NTM: variants seen among roughly 807,000 people sequenced by gnomAD.
NTM encodes IgLON family member 2.
NTM carries 13 observed loss-of-function variants against 42.1 expected under a neutral mutation model. That is an observed-to-expected ratio of 0.31 (90% CI 0.20 to 0.49). The LOEUF is 0.49. NTM is among the 20% of genes least tolerant of loss of function. NTM has a pLI of 0.99. For synonymous variants in NTM, 187 were observed against 179.2 expected (o/e 1.04, Z -0.35); for missense variants, 373 against 452.8 (o/e 0.82, Z 1.60).
At chr11:131,459,841 C>A (rs972897252) in intron 1 of NTM, among the ~76,000 whole-genome samples, 1 of 152,128 alleles carries the variant, frequency 6.6e-6, no homozygotes, top group African/African-American at 2.4e-5. Context: ...ATCATACTTT[C>A]ACCTGATTCA....
intron 1 of NTM, among the ~76,000 whole-genome samples, chr11:131,494,803 C>A (rs1400669736): frequency 6.6e-6 from 1 of 152,204 alleles, no homozygotes; most frequent in East Asian, 1.9e-4. Flanking sequence ...AACATTCATT[C>A]TGGGGTTTAT....
In NTM at chr11:132,189,222, C is replaced by G. The variant is rs533034545; in HGVS notation, c.401-22800C>G. Among the ~76,000 whole-genome samples the G allele has an allele frequency of 1.4e-4, 21 of 152,110 alleles. No individual in the cohort carries two copies. The East Asian group carries it at 3.3e-3, about 24-fold the overall frequency. The stretch of plus-strand genomic sequence containing the variant: ...TGTTTCTCTGTGTGTCTTTTTAAGC[C>G]TCTAGATAGATCATGAAAAATACAG... On this transcript the variant is annotated intron_variant, in intron 3 of 8. Transcript: ENST00000683400.
chr11:132,132,115 T>C (rs2066929563), intron 2 of NTM, among the ~76,000 whole-genome samples: 1 of 152,164 alleles, frequency 6.6e-6, no homozygotes, highest in Admixed American at 6.5e-5. Context: ...TGCCCGAGGA[T>C]ACATTCCTCT....
intron 2 of NTM, among the ~76,000 whole-genome samples, chr11:132,123,068 C>A (rs573588130): frequency 6.6e-6 from 1 of 152,180 alleles, no homozygotes; most frequent in Non-Finnish European, 1.5e-5. Context: ...CTGTGCATCT[C>A]CCCGTCAGCC....
At chr11:132,026,346 T>A (rs2075174274) in intron 2 of NTM, among the ~76,000 whole-genome samples, 1 of 152,142 alleles carries the variant, frequency 6.6e-6, no homozygotes, top group South Asian at 2.1e-4. Flanking sequence ...TTCAGAAAAG[T>A]ATCATTCATC....
chr11:132,184,719 T>A (rs2078127791), intron 3 of NTM, among the ~76,000 whole-genome samples: 1 of 152,198 alleles, frequency 6.6e-6, no homozygotes, highest in Admixed American at 6.5e-5. Context: ...AAATTTAGAT[T>A]ATTTGTAATT....
intron 1 of NTM, among the ~76,000 whole-genome samples, chr11:131,408,930 A>G (rs1267821926): frequency 6.6e-6 from 1 of 152,220 alleles, no homozygotes; most frequent in Non-Finnish European, 1.5e-5. Context: ...AGGTTCACCC[A>G]TCATGCATCA....
chr11:131,653,755 G>A (rs1420123155), intron 1 of NTM, among the ~76,000 whole-genome samples: 2 of 152,302 alleles, frequency 1.3e-5, no homozygotes, highest in Middle Eastern at 3.4e-3. Context: ...CCCCCTCAGA[G>A]GGCTCCCCCC....
chr11:132,202,624 A>G (rs980012101), intron 3 of NTM, among the ~76,000 whole-genome samples: 1 of 152,214 alleles, frequency 6.6e-6, no homozygotes, highest in Non-Finnish European at 1.5e-5. Context: ...ACTTATGATT[A>G]CAGGTAGTTG....
chr11:131,798,841 T>C (rs1284547264), intron 1 of NTM, among the ~76,000 whole-genome samples: 1 of 152,208 alleles, frequency 6.6e-6, no homozygotes, highest in African/African-American at 2.4e-5. Flanking sequence ...GTTATTTAGG[T>C]GCTTTCAGGA....
chr11:131,432,707 C>A (rs1948747317), intron 1 of NTM, among the ~76,000 whole-genome samples: 1 of 152,044 alleles, frequency 6.6e-6, no homozygotes, highest in Non-Finnish European at 1.5e-5. Context: ...ATTCCATTCT[C>A]CAAAGGCAAC....
At chr11:132,155,054 T>C (rs2072867356) in intron 3 of NTM, among the ~76,000 whole-genome samples, 1 of 152,176 alleles carries the variant, frequency 6.6e-6, no homozygotes. Flanking sequence ...TAGAGGATTT[T>C]CACTTGGCAA....
At chr11:131,972,592 T>G (rs1324403879) in intron 2 of NTM, among the ~76,000 whole-genome samples, 2 of 152,174 alleles carry the variant, frequency 1.3e-5, no homozygotes, top group African/African-American at 4.8e-5. Flanking sequence ...ACTACTGTTT[T>G]CATATGTTGG....
intron 1 of NTM, among the ~76,000 whole-genome samples, chr11:131,689,125 G>A (rs2074328613): frequency 1.3e-5 from 2 of 151,924 alleles, no homozygotes; most frequent in Admixed American, 1.3e-4. Flanking sequence ...ACTCTCCAAG[G>A]ATGTCTCCCT....
rs369754131 is a variant in NTM, at chr11:132,134,607, C to T, written c.168-11675C>T. ...CTCATATGACATTTGGTTTTTCATT[C>T]CCGAGTTACTTCACTTAGAATAATA... is the stretch of plus-strand genomic sequence containing the variant. On this transcript the variant is annotated intron_variant, in intron 2 of 8. Coordinates refer to ENST00000683400, the MANE Select transcript of NTM (RefSeq NM_001352005.2). Among the ~76,000 whole-genome samples the T allele has an allele frequency of 3.7e-4, 55 of 149,648 alleles. 1 individual carries two copies. Among genetic ancestry groups the T allele is most frequent in the South Asian group, 3.4e-3 (16 of 4,674 alleles).
chr11:131,899,197 A>G (rs1344625411), intron 1 of NTM, among the ~76,000 whole-genome samples: 2 of 152,116 alleles, frequency 1.3e-5, no homozygotes, highest in Non-Finnish European at 2.9e-5. Context: ...GAGTGCACAG[A>G]GGAGCAGGGG....
intron 2 of NTM, among the ~76,000 whole-genome samples, chr11:132,109,253 T>A (rs11222936): frequency 0.16 from 23,681 of 152,192 alleles, 2,189 homozygotes; most frequent in South Asian, 0.22. Flanking sequence ...TATTTCTAGT[T>A]CTAGATCCTT....
intron 3 of NTM, among the ~76,000 whole-genome samples, chr11:132,171,839 G>T (rs2076160876): frequency 1.3e-5 from 2 of 152,232 alleles, no homozygotes; most frequent in Admixed American, 1.3e-4. Flanking sequence ...GTCTGCAGGG[G>T]ATACCTCTGA....
intron 2 of NTM, among the ~76,000 whole-genome samples, chr11:132,007,967 G>T (rs548467177): frequency 2.0e-5 from 3 of 152,278 alleles, no homozygotes; most frequent in South Asian, 2.1e-4. Flanking sequence ...TCAAAGAAGG[G>T]AAGGGCTATG....
Sources: gnomAD v4.1 joint callset for allele counts (sites outside exome capture counted in the v4.1 genomes callset) on GRCh38, gnomAD v4.1.1 for gene constraint, MANE v1.5 for transcripts, NCBI Gene and HGNC (gene_info 2026-07-23, HGNC 2026-07-21) for gene names.